Variants in GIT1 observed in about 807,000 individuals in gnomAD.
GIT1 encodes GIT ArfGAP 1.
In GIT1, 14 loss-of-function variants were observed where a neutral mutation model predicts 91.7. The ratio of observed to expected loss-of-function variants is 0.15; its 90% CI spans 0.10 to 0.24. GIT1 has a LOEUF of 0.24. Ranked by LOEUF, GIT1 falls within the 10% of genes least tolerant of loss-of-function variation. The pLI, the probability that GIT1 is intolerant of heterozygous loss-of-function variation, is 1.00. For missense variants in GIT1, 717 were observed against 1,024.9 expected, an observed-to-expected ratio of 0.70 and a Z score of 4.10; for synonymous variants, 414 against 418.2, an observed-to-expected ratio of 0.99 and a Z score of 0.12.
At chr17:29,577,860 A>G (rs1454385607) in intron 9 of GIT1, 118 bp from the exon 10 acceptor site, 2 of 686,130 alleles carry the variant, frequency 2.9e-6, no homozygotes, top group Non-Finnish European at 5.3e-6. Flanking sequence ...ACTGGTGTTC[A>G]GAACAGGGGT....
In GIT1 at chr17:29,576,981, G is replaced by C. The variant is rs2033231547; in HGVS notation, c.1109C>G (p.Ser370Cys). ...LSSPTDNLEL[S>C]LRSQSDLDDQ... is the part of the protein sequence containing the mutation. Reference sequence around the variant, plus strand: ...GTCGAGGTCACTCTGGCTCCGCAGAGACAGCTCGAGGTTGTCTGAGGACAC... The same window carrying C: ...GTCGAGGTCACTCTGGCTCCGCAGACACAGCTCGAGGTTGTCTGAGGACAC... The change falls in exon 12 of 20, where the codon TCT becomes TGT. Residue 370 changes from serine (S) to cysteine (C), a missense_variant. By Grantham distance (112) the Ser-to-Cys change is moderately radical. Transcript: ENST00000225394. 3.1e-6 allele frequency: 5 copies of C among 1,602,854 alleles called. No individual in the cohort carries two copies. Among genetic ancestry groups the C allele is most frequent in the Non-Finnish European group, 4.2e-6 (5 of 1,179,688 alleles).
Position 29,575,070 on chromosome 17 carries a change from C to T in GIT1, c.2073+9G>A. The T allele has an allele frequency of 6.3e-7, 1 of 1,586,184 alleles. No individual in the cohort carries two copies. Among genetic ancestry groups the T allele is most frequent in the Non-Finnish European group, 8.6e-7 (1 of 1,160,848 alleles). On this transcript the variant is annotated intron_variant, in intron 19 of 19. Coordinates refer to ENST00000225394, the MANE Select transcript of GIT1 (RefSeq NM_014030.4). This position sits in a 1 kb window ranked among gnomAD's most constrained non-coding sequence, Gnocchi z 5.5. ...CTCCCACTCCTGGTCCTCTCTTTGGCCCCTGTACCTTTGGGAAGAGGGAGG... is the reference window on the plus strand; with the variant it reads ...CTCCCACTCCTGGTCCTCTCTTTGGTCCCTGTACCTTTGGGAAGAGGGAGG...
intron 2 of GIT1, 79 bp from the exon 3 acceptor site, chr17:29,583,116 G>A (rs554830584): frequency 3.1e-6 from 3 of 956,782 alleles, no homozygotes; most frequent in East Asian, 2.5e-5. Flanking sequence ...AGCGCCTGCT[G>A]TGGCTGGCGT....
chr17:29,577,352 C>A, intron 10 of GIT1, 105 bp from the exon 11 acceptor site: 1 of 891,544 alleles, frequency 1.1e-6, no homozygotes, highest in Non-Finnish European at 1.8e-6. Context: ...TAATTTAACC[C>A]CAGCTAAAGC....
At chr17:29,578,591 G>A (rs1037929929) in intron 8 of GIT1, 140 bp downstream of exon 8, 8 of 875,892 alleles carry the variant, frequency 9.1e-6, no homozygotes, top group Non-Finnish European at 1.6e-5. Context: ...CAGGGAGAGG[G>A]GACTGCTGAG....
Position 29,575,484 on chromosome 17 carries a change from C to T in GIT1, c.1827-14G>A. 3.8e-6 allele frequency: 6 copies of T among 1,594,532 alleles called. No homozygotes were observed. The highest frequency in any genetic ancestry group is 5.1e-6 in the Non-Finnish European group (6 of 1,170,062). On this transcript the variant is annotated splice_polypyrimidine_tract_variant and intron_variant, in intron 17 of 19. Coordinates refer to ENST00000225394, the MANE Select transcript of GIT1 (RefSeq NM_014030.4). The surrounding 1 kb of genome is among the most constrained non-coding windows in gnomAD (Gnocchi z 5.5). ...TTCCCTTCCAGCCTGAGGCCCAGGT[C>T]CAGAAAACAGAGACAAAGATACATA...
At chr17:29,576,740 T>C in intron 12 of GIT1, 66 bp from the exon 13 acceptor site, 1 of 1,599,636 alleles carries the variant, frequency 6.3e-7, no homozygotes. Context: ...CAGGGGGCAG[T>C]TATTGAGGCT....
rs1307730035 is a variant in GIT1 at position 29,581,726 on chromosome 17, C to T, written c.718+16G>A. 3 of 1,602,458 alleles carry T rather than the reference C, an allele frequency of 1.9e-6. No homozygotes were observed. The highest frequency in any genetic ancestry group is 2.0e-4 in the Middle Eastern group (1 of 5,012). ...CCAGGCCTGTCACAGCCAGGCGCCCCCCAAGCTCTGCTCACCCGGCTTGCG... is the reference window on the plus strand; with the variant it reads ...CCAGGCCTGTCACAGCCAGGCGCCCTCCAAGCTCTGCTCACCCGGCTTGCG... On this transcript the variant is annotated intron_variant, in intron 6 of 19. Coordinates refer to ENST00000225394, the MANE Select transcript of GIT1 (RefSeq NM_014030.4). The surrounding 1 kb of genome is among the most constrained non-coding windows in gnomAD (Gnocchi z 4.8).
At position 29,575,686 on chromosome 17, in the gene GIT1, G is replaced by A. The variant is rs373891852; in HGVS notation, c.1770C>T (p.His590=). Residue 590 remains histidine, a synonymous_variant, in exon 17 of 20, where the codon CAC becomes CAT. Transcript: ENST00000225394. The surrounding 1 kb of genome is among the most constrained non-coding windows in gnomAD (Gnocchi z 5.5). ...CATAGTCACTGTCGGCTCCACTGCCGTGGCGGGAAAGCTTGCTCTGGAGGG... is the reference window on the plus strand; with the variant it reads ...CATAGTCACTGTCGGCTCCACTGCCATGGCGGGAAAGCTTGCTCTGGAGGG... The part of the protein sequence containing the change: ...GSRHTSKLSR[H]GSGADSDYEN... 21 of 1,612,470 alleles carry A rather than the reference G, an allele frequency of 1.3e-5. No homozygotes were observed. The highest frequency in any genetic ancestry group is 4.5e-5 in the East Asian group (2 of 44,888).
Position 29,574,990 on chromosome 17 carries a change from C to T in GIT1, c.2074-76G>A. 4.7e-6 allele frequency: 7 copies of T among 1,485,582 alleles called. 1 individual carries two copies. The highest frequency in any genetic ancestry group is 1.4e-5 in the African/African-American group (1 of 72,152). The allele number at this position is 1,485,582 out of a possible 1,614,324, so 92.0% of individuals were successfully genotyped here. A position where few individuals can be genotyped will look rare whatever the true frequency, so the allele number is the denominator to read the frequency against. On this transcript the variant is annotated intron_variant, in intron 19 of 19. Transcript: ENST00000225394. ...AGATCAGGGCCCAGTTTGTCTGTGT[C>T]TCCACCCAGGTAGCGATCAGATGGG... is the stretch of plus-strand genomic sequence containing the variant.
chr17:29,578,946 G>A (rs549690056), intron 7 of GIT1, 167 bp from the exon 8 acceptor site: 65 of 1,612,630 alleles, frequency 4.0e-5, no homozygotes, highest in East Asian at 3.6e-4. Flanking sequence ...CTGCTGCCCC[G>A]GCAGGCACCA....
Position 29,589,552 on chromosome 17 carries a change from G to T in GIT1, c.-174C>A, listed in dbSNP as rs1378658446. 1.3e-5 allele frequency: 2 copies of T among 151,850 alleles called. No homozygotes were observed. The highest frequency in any genetic ancestry group is 2.8e-5 in the Non-Finnish European group (2 of 70,950). The allele number at this position is 151,850 out of a possible 1,614,324, so 9.4% of individuals were successfully genotyped here. ...GGCTGGCCCGGAACCCGCCGTGCCC[G>T]CCTGCCCGCTCGCCCTCGGGCGCCC... On this transcript the variant is annotated 5_prime_UTR_variant, in exon 1 of 20. Coordinates refer to ENST00000225394, the MANE Select transcript of GIT1 (RefSeq NM_014030.4). The surrounding 1 kb of genome is among the most constrained non-coding windows in gnomAD (Gnocchi z 5.2).
chr17:29,574,276 T>G lies in GIT1; in HGVS notation c.*426A>C, dbSNP rs1444023027. 2 of 210,614 alleles carry G rather than the reference T, an allele frequency of 9.5e-6. No homozygotes were observed. Among genetic ancestry groups the G allele is most frequent in the East Asian group, 2.7e-4 (2 of 7,324 alleles). 13.0% of individuals were successfully genotyped at this position (210,614 alleles called of 1,614,324 possible). ...AGGGCAGGGACATCCATGGAGACTA[T>G]GTACAAAGGAGGGGATGCCCCCGCT... is the stretch of plus-strand genomic sequence containing the variant. On this transcript the variant is annotated 3_prime_UTR_variant, in exon 20 of 20. Transcript: ENST00000225394.
At chr17:29,576,740 T>G in intron 12 of GIT1, 66 bp from the exon 13 acceptor site, 1 of 1,599,636 alleles carries the variant, frequency 6.3e-7, no homozygotes, top group Non-Finnish European at 8.5e-7. Flanking sequence ...CAGGGGGCAG[T>G]TATTGAGGCT....
chr17:29,576,693 G>C lies in GIT1; in HGVS notation c.1228-19C>G, dbSNP rs765163947. The C allele has an allele frequency of 3.6e-5, 58 of 1,613,326 alleles. No individual in the cohort carries two copies. Among genetic ancestry groups the C allele is most frequent in the Non-Finnish European group, 1.7e-6 (2 of 1,179,834 alleles). On this transcript the variant is annotated intron_variant, in intron 12 of 19. Transcript: ENST00000225394. ...CCATGCTCTGCAGAGAGAGACCTAA[G>C]CTGGTCAGCACCTGGGGGCAGGGAG...
At chr17:29,578,820 A>G in intron 7 of GIT1, 41 bp from the exon 8 acceptor site, 1 of 1,601,820 alleles carries the variant, frequency 6.2e-7, no homozygotes, top group Non-Finnish European at 8.6e-7. Context: ...GAGAGGAGAG[A>G]CCTGAGAGGT....
At chr17:29,586,697 C>T (rs1190788867) in intron 1 of GIT1, among the ~76,000 whole-genome samples, 1 of 152,210 alleles carries the variant, frequency 6.6e-6, no homozygotes, top group Admixed American at 6.5e-5. Flanking sequence ...TCACTCTCAC[C>T]CCCAGGGTTG....
At chr17:29,579,574 A>C (rs2033327761) in intron 7 of GIT1, among the ~76,000 whole-genome samples, 1 of 151,962 alleles carries the variant, frequency 6.6e-6, no homozygotes, top group Admixed American at 6.5e-5. Context: ...AGAGATACAA[A>C]AGCAATTTAA....
intron 2 of GIT1, 62 bp downstream of exon 2, chr17:29,583,421 G>A (rs1414529732): frequency 1.7e-5 from 26 of 1,549,710 alleles, no homozygotes; most frequent in Middle Eastern, 3.4e-4. Flanking sequence ...AGGGGGAAAC[G>A]CCCTCATGCT....
Sources: allele counts gnomAD v4.1 joint callset (sites outside exome capture counted in the v4.1 genomes callset), GRCh38; gene constraint gnomAD v4.1.1; non-coding constraint Gnocchi (gnomAD v3.1); transcripts MANE v1.5; gene names NCBI Gene and HGNC (gene_info 2026-07-23, HGNC 2026-07-21).